The following NRG1 variants were observed in gnomAD, a reference collection of about 807,000 sequenced individuals.
NRG1 encodes the protein neuregulin 1.
NRG1 carries 18 observed loss-of-function variants against 63.8 expected under a neutral mutation model. The observed-to-expected ratio is 0.28, with a 90% CI of 0.19 to 0.42. The LOEUF is 0.42. Ranked by LOEUF, NRG1 falls within the 10% of genes least tolerant of loss-of-function variation. The pLI, the probability that NRG1 is intolerant of heterozygous loss-of-function variation, is 1.00. For missense variants in NRG1, 762 were observed against 814.7 expected, an observed-to-expected ratio of 0.94 and a Z score of 0.79; for synonymous variants, 302 against 301.3, an observed-to-expected ratio of 1.00 and a Z score of -0.02.
intron 1 of NRG1, among the ~76,000 whole-genome samples, chr8:32,438,271 A>C (rs960029820): frequency 5.3e-5 from 8 of 152,210 alleles, no homozygotes; most frequent in African/African-American, 1.7e-4. Context: ...TAGAGTATAT[A>C]ACTTTCAGGT....
intron 1 of NRG1, among the ~76,000 whole-genome samples, chr8:31,723,986 T>G (rs1813175875): frequency 6.6e-6 from 1 of 152,102 alleles, no homozygotes. Flanking sequence ...TTCCTGGATT[T>G]TAGTCAGTAT....
At chr8:32,696,591 G>A (rs1813354650) in intron 5 of NRG1, among the ~76,000 whole-genome samples, 1 of 151,122 alleles carries the variant, frequency 6.6e-6, no homozygotes, top group Non-Finnish European at 1.5e-5. Context: ...CAAGTTAATT[G>A]AAGATGGAAG....
chr8:32,140,813 GT>G (rs1836152767), intron 1 of NRG1, among the ~76,000 whole-genome samples: 2 of 152,022 alleles, frequency 1.3e-5, no homozygotes, highest in African/African-American at 4.8e-5. Flanking sequence ...ACAACTCAGG[GT>G]GACAACCTCC....
At chr8:31,986,583 G>A (rs1444528608) in intron 1 of NRG1, among the ~76,000 whole-genome samples, 1 of 152,130 alleles carries the variant, frequency 6.6e-6, no homozygotes, top group African/African-American at 2.4e-5. Context: ...TTCAGGGGTT[G>A]AAGTATCATC....
intron 1 of NRG1, among the ~76,000 whole-genome samples, chr8:31,740,485 A>C (rs1317308550): frequency 6.6e-6 from 1 of 151,978 alleles, no homozygotes; most frequent in African/African-American, 2.4e-5. Flanking sequence ...TTTTTCTGTA[A>C]TTCTTACTAT....
At chr8:32,571,146 C>G (rs895890931) in intron 1 of NRG1, among the ~76,000 whole-genome samples, 7 of 152,098 alleles carry the variant, frequency 4.6e-5, no homozygotes, top group African/African-American at 1.7e-4. Context: ...TAGCCAGTAA[C>G]ATAAAACAAT....
At chr8:31,991,094 A>G (rs926073541) in intron 1 of NRG1, among the ~76,000 whole-genome samples, 3 of 152,086 alleles carry the variant, frequency 2.0e-5, no homozygotes, top group Admixed American at 1.3e-4. Context: ...GTTGTTTCAG[A>G]AAAGAAATAC....
chr8:31,808,093 T>C (rs866946925), intron 1 of NRG1, among the ~76,000 whole-genome samples: 10 of 152,250 alleles, frequency 6.6e-5, no homozygotes, highest in African/African-American at 2.2e-4. Flanking sequence ...AAAGCTCTTT[T>C]CATCTTTTAA....
chr8:32,352,092 G>A (rs150229442), intron 1 of NRG1, among the ~76,000 whole-genome samples: 14 of 149,990 alleles, frequency 9.3e-5, no homozygotes, highest in African/African-American at 2.0e-4. Context: ...CAGTGGACTC[G>A]TTAGTGCAAA....
chr8:31,927,550 G>A (rs1039727422), intron 1 of NRG1, among the ~76,000 whole-genome samples: 1 of 138,072 alleles, frequency 7.2e-6, no homozygotes, highest in East Asian at 2.3e-4. Context: ...CGGGGTTCAC[G>A]CCATTCTCCT....
intron 1 of NRG1, among the ~76,000 whole-genome samples, chr8:32,473,196 T>C (rs1824066450): frequency 6.6e-6 from 1 of 152,242 alleles, no homozygotes; most frequent in Admixed American, 6.5e-5. Context: ...ACTGGATGAA[T>C]GCGTGCTGTT....
At chr8:32,763,103 G>T in intron 11 of NRG1, 1 of 1,104,174 alleles carries the variant, frequency 9.1e-7, no homozygotes, top group Non-Finnish European at 1.3e-6. Flanking sequence ...GGGATGGATA[G>T]TTCCAAATTG....
rs61448713 is a variant in NRG1 at position 32,344,602 on chromosome 8, ATTTTT to A, written c.38-251206_38-251202del. On this transcript the variant is annotated intron_variant, in intron 1 of 10. Transcript: ENST00000519301. ...CAGGCACATGTCACTACACTCAGCT[ATTTTT>A]TTTTTTTTTTTTTTTTTTTGTATTT... is the stretch of plus-strand genomic sequence containing the variant. Among the ~76,000 whole-genome samples, 61 of 101,152 alleles carry A rather than the reference ATTTTT, an allele frequency of 6.0e-4. 1 individual carries two copies. The highest frequency in any genetic ancestry group is 2.2e-3 in the South Asian group (7 of 3,130). 66.4% of individuals were successfully genotyped at this position (101,152 alleles called of 152,430 possible). A position where few individuals can be genotyped will look rare whatever the true frequency, so the allele number is the denominator to read the frequency against.
chr8:31,705,778 G>C (rs1585797430), intron 1 of NRG1, among the ~76,000 whole-genome samples: 1 of 152,118 alleles, frequency 6.6e-6, no homozygotes, highest in Non-Finnish European at 1.5e-5. Context: ...CACCACTGAA[G>C]CTATGTGTAT....
intron 5 of NRG1, among the ~76,000 whole-genome samples, chr8:32,666,745 C>T (rs1804269901): frequency 6.6e-6 from 1 of 152,178 alleles, no homozygotes; most frequent in South Asian, 2.1e-4. Flanking sequence ...TGTCATCTTG[C>T]AAACATGAAA....
At chr8:32,355,974 T>C (rs962060717) in intron 1 of NRG1, among the ~76,000 whole-genome samples, 1 of 152,146 alleles carries the variant, frequency 6.6e-6, no homozygotes, top group Non-Finnish European at 1.5e-5. Context: ...CGTGTGTGTG[T>C]GCGTGTGTAT....
intron 1 of NRG1, among the ~76,000 whole-genome samples, chr8:32,414,681 C>T (rs1563432026): frequency 6.6e-6 from 1 of 152,052 alleles, no homozygotes; most frequent in Non-Finnish European, 1.5e-5. Flanking sequence ...GAGAGTAGTG[C>T]CAACGTGCCT....
At chr8:31,732,479 ATC>A (rs745656618) in intron 1 of NRG1, among the ~76,000 whole-genome samples, 23 of 152,256 alleles carry the variant, frequency 1.5e-4, no homozygotes, top group Admixed American at 3.9e-4. Context: ...CTCCATTTTA[ATC>A]TAGTTATTTT....
At chr8:32,058,194 C>G (rs960672730) in intron 1 of NRG1, among the ~76,000 whole-genome samples, 7 of 151,822 alleles carry the variant, frequency 4.6e-5, no homozygotes, top group Non-Finnish European at 8.8e-5. Context: ...TATTTAATTG[C>G]TCATCATGAA....
Sources: allele counts gnomAD v4.1 joint callset (sites outside exome capture counted in the v4.1 genomes callset), GRCh38; gene constraint gnomAD v4.1.1; transcripts MANE v1.5; gene names NCBI Gene and HGNC (gene_info 2026-07-23, HGNC 2026-07-21).